The following SCP2 variants were observed in gnomAD, a reference collection of about 807,000 sequenced individuals.
SCP2 encodes the protein sterol carrier protein 2.
In SCP2, 48 loss-of-function variants were observed where a neutral mutation model predicts 71.4. The ratio of observed to expected loss-of-function variants is 0.67; its 90% CI spans 0.53 to 0.86. The LOEUF is 0.86. Ranked by LOEUF, SCP2 falls within the 40% of genes least tolerant of loss-of-function variation. The pLI is 0.00. For synonymous variants in SCP2, 220 were observed against 218.1 expected (o/e 1.01, Z -0.08); for missense variants, 560 against 655.6 (o/e 0.85, Z 1.59).
intron 13 of SCP2, among the ~76,000 whole-genome samples, chr1:53,033,369 G>A (rs368846073): frequency 6.6e-6 from 1 of 152,142 alleles, no homozygotes; most frequent in Non-Finnish European, 1.5e-5. Context: ...TTGGAAGGCC[G>A]AGGTGGGTGG....
At chr1:52,968,087 C>A (rs142275820) in intron 6 of SCP2, among the ~76,000 whole-genome samples, 1,766 of 152,220 alleles carry the variant, frequency 0.012, 39 homozygotes, top group African/African-American at 0.041. Flanking sequence ...ACTACAGGTG[C>A]GTGCCACCAT....
rs1274725980 is a variant in SCP2, at chr1:53,037,925, CACACAGAT to C, written c.1339-991_1339-984del. ...ACACACACACACACACACACACACACACACAGATCCAGATCCTGTCTCTATACACACAC... is the reference window on the plus strand; with the variant it reads ...ACACACACACACACACACACACACACCCAGATCCTGTCTCTATACACACAC... On this transcript the variant is annotated intron_variant, in intron 13 of 15. Coordinates refer to ENST00000371514, the MANE Select transcript of SCP2 (RefSeq NM_002979.5). 4.3e-3 allele frequency among the ~76,000 whole-genome samples: 550 copies of C among 129,336 alleles called. 5 individuals are homozygous for C. The highest frequency in any genetic ancestry group is 0.034 in the Middle Eastern group (8 of 236). 84.8% of individuals were successfully genotyped at this position (129,336 alleles called of 152,430 possible). A position where few individuals can be genotyped will look rare whatever the true frequency, so the allele number is the denominator to read the frequency against.
chr1:52,987,002 A>ATT (rs1244467401), intron 10 of SCP2, among the ~76,000 whole-genome samples: 1 of 92,754 alleles, frequency 1.1e-5, no homozygotes, highest in East Asian at 2.9e-4. Flanking sequence ...ATATATATAT[A>ATT]TATATTTTTT....
chr1:52,990,964 G>A (rs779861713), intron 11 of SCP2, among the ~76,000 whole-genome samples: 1 of 152,182 alleles, frequency 6.6e-6, no homozygotes. Flanking sequence ...TTGCATGGAA[G>A]CAGATGAGAT....
At chr1:53,026,775 C>T (rs1572206025) in intron 12 of SCP2, among the ~76,000 whole-genome samples, 1 of 151,810 alleles carries the variant, frequency 6.6e-6, no homozygotes, top group South Asian at 2.1e-4. Context: ...ACCACTGCAC[C>T]CCAGCCTGGG....
intron 2 of SCP2, among the ~76,000 whole-genome samples, chr1:52,944,787 C>T (rs1426478915): frequency 1.3e-5 from 2 of 151,756 alleles, no homozygotes; most frequent in African/African-American, 4.8e-5. Flanking sequence ...GTTGAGAGGC[C>T]GAGGTGGGCG....
At chr1:53,003,439 C>T (rs1160578118) in intron 11 of SCP2, among the ~76,000 whole-genome samples, 3 of 152,090 alleles carry the variant, frequency 2.0e-5, no homozygotes, top group Admixed American at 1.3e-4. Flanking sequence ...AGGCTGGTCT[C>T]GAACTCCTGG....
At chr1:52,965,012 AAAACAAACAAAC>A (rs201634217) in intron 6 of SCP2, among the ~76,000 whole-genome samples, 1 of 151,936 alleles carries the variant, frequency 6.6e-6, no homozygotes, top group Non-Finnish European at 1.5e-5. Context: ...CTCCATCTCA[AAAACAAACAAAC>A]AAACAAACAA....
intron 11 of SCP2, among the ~76,000 whole-genome samples, chr1:52,991,246 A>G (rs546406131): frequency 6.6e-6 from 1 of 152,318 alleles, no homozygotes; most frequent in African/African-American, 2.4e-5. Context: ...AAATATATGT[A>G]TGTAAAGTAT....
rs552904187 is a variant in SCP2, at chr1:52,978,107, C to T, written c.675-110C>T. The T allele has an allele frequency of 1.6e-4, 149 of 959,312 alleles. 1 individual carries two copies. The African/African-American group carries it at 2.0e-3, about 13-fold the overall frequency. 59.4% of individuals were successfully genotyped at this position (959,312 alleles called of 1,614,324 possible). ...TAGATATCACAAAGAAGACAATCCA[C>T]TGACCAGCAAGCATATTTGGCCTTT... On this transcript the variant is annotated intron_variant, in intron 8 of 15. Coordinates refer to ENST00000371514, the MANE Select transcript of SCP2 (RefSeq NM_002979.5).
intron 15 of SCP2, 130 bp downstream of exon 15, chr1:53,048,067 C>T: frequency 4.2e-6 from 3 of 716,596 alleles, no homozygotes; most frequent in Non-Finnish European, 5.1e-6. Context: ...AAACAGTTGA[C>T]AGACGTCTGT....
At chr1:52,948,333 TA>T (rs1164642817) in intron 3 of SCP2, among the ~76,000 whole-genome samples, 1 of 152,234 alleles carries the variant, frequency 6.6e-6, no homozygotes, top group East Asian at 1.9e-4. Flanking sequence ...AATTATACTG[TA>T]AAGATCTTCT....
At chr1:52,984,059 G>A (rs536263258) in intron 10 of SCP2, among the ~76,000 whole-genome samples, 7 of 152,170 alleles carry the variant, frequency 4.6e-5, no homozygotes, top group Non-Finnish European at 8.8e-5. Context: ...CCTGAGACTT[G>A]TACAGGTCTA....
At chr1:52,967,057 G>T (rs1657034712) in intron 6 of SCP2, among the ~76,000 whole-genome samples, 1 of 151,998 alleles carries the variant, frequency 6.6e-6, no homozygotes, top group African/African-American at 2.4e-5. Context: ...AGGCATGGTG[G>T]CAGGCGCCTG....
At chr1:52,955,487 G>A (rs1655712375) in intron 5 of SCP2, among the ~76,000 whole-genome samples, 1 of 152,098 alleles carries the variant, frequency 6.6e-6, no homozygotes, top group Admixed American at 6.6e-5. Flanking sequence ...ATGATAGGGA[G>A]AGTTACCATG....
At position 53,015,388 on chromosome 1, in the gene SCP2, G is replaced by A. The variant is rs113808624; in HGVS notation, c.1235+345G>A. Among the ~76,000 whole-genome samples, 950 of 152,294 alleles carry A rather than the reference G, an allele frequency of 6.2e-3. 16 individuals are homozygous for A. Among genetic ancestry groups the A allele is most frequent in the African/African-American group, 0.022 (914 of 41,554 alleles). On this transcript the variant is annotated intron_variant, in intron 12 of 15. Transcript: ENST00000371514. ...GGTGGTTTAGGGAGTCACTAAATGT[G>A]CTGATTGGATCTTTGCAAATTTGTA... is the stretch of plus-strand genomic sequence containing the variant.
At chr1:53,033,841 G>A (rs1030798464) in intron 13 of SCP2, among the ~76,000 whole-genome samples, 1 of 152,064 alleles carries the variant, frequency 6.6e-6, no homozygotes, top group Non-Finnish European at 1.5e-5. Context: ...ATGTTCACAT[G>A]AAAACTTGTA....
chr1:53,019,536 C>T (rs1051740481), intron 12 of SCP2, among the ~76,000 whole-genome samples: 13 of 152,176 alleles, frequency 8.5e-5, no homozygotes, highest in Non-Finnish European at 1.6e-4. Context: ...ATTCCAGGCT[C>T]GTCCTGTGCT....
chr1:52,987,006 A>ATATATATTTTTTTTTTTT (rs1386745740), intron 10 of SCP2, among the ~76,000 whole-genome samples: 3 of 110,506 alleles, frequency 2.7e-5, no homozygotes, highest in African/African-American at 1.2e-4. Flanking sequence ...ATATATATAT[A>ATATATATTTTTTTTTTTT]TTTTTTTTTT....
Sources: allele counts gnomAD v4.1 joint callset (sites outside exome capture counted in the v4.1 genomes callset), GRCh38; gene constraint gnomAD v4.1.1; transcripts MANE v1.5; gene names NCBI Gene and HGNC (gene_info 2026-07-23, HGNC 2026-07-21).